The following RAB27B variants were observed in gnomAD, a reference collection of about 807,000 sequenced individuals.
RAB27B encodes the protein RAB27B, member RAS oncogene family, also known as ras-related protein Rab-27B.
Under a neutral mutation model 24.6 loss-of-function variants are expected in RAB27B, and 15 were observed. That is an observed-to-expected ratio of 0.61 (90% CI 0.41 to 0.94). RAB27B has a LOEUF of 0.94. Among genes scored for constraint, RAB27B ranks in the 40% least tolerant of loss-of-function variants. The probability of loss-of-function intolerance (pLI) is 0.00; values close to 1 mark genes in which losing one functional copy is unlikely to be tolerated. For missense variants in RAB27B, 261 were observed against 266.8 expected, an observed-to-expected ratio of 0.98 and a Z score of 0.15; for synonymous variants, 105 against 92.5, an observed-to-expected ratio of 1.14 and a Z score of -0.78.
intron 1 of RAB27B, among the ~76,000 whole-genome samples, chr18:54,848,759 T>C (rs1250884978): frequency 1.3e-5 from 2 of 152,144 alleles, no homozygotes; most frequent in African/African-American, 2.4e-5. Context: ...AAAGATTTCA[T>C]GGTATGGCGG....
intron 2 of RAB27B, among the ~76,000 whole-genome samples, chr18:54,785,205 G>A (rs1460473366): frequency 3.9e-5 from 6 of 152,012 alleles, no homozygotes; most frequent in Non-Finnish European, 7.4e-5. Flanking sequence ...AGGTTCAAGC[G>A]ATTCTCTTGT....
At chr18:54,868,139 G>A (rs1194206286) in intron 1 of RAB27B, among the ~76,000 whole-genome samples, 3 of 152,072 alleles carry the variant, frequency 2.0e-5, no homozygotes, top group Non-Finnish European at 4.4e-5. Flanking sequence ...AATAAAAGTG[G>A]GAGAGATGCT....
intron 4 of RAB27B, 22 bp from the exon 5 acceptor site, chr18:54,887,973 T>C: frequency 1.2e-6 from 2 of 1,605,496 alleles, no homozygotes; most frequent in Non-Finnish European, 1.7e-6. Flanking sequence ...AACTTGCTGG[T>C]TCCATCTGCT....
intron 2 of RAB27B, among the ~76,000 whole-genome samples, chr18:54,736,803 T>C (rs1193788576): frequency 6.6e-6 from 1 of 152,076 alleles, no homozygotes; most frequent in Admixed American, 6.6e-5. Context: ...ACAAAAGAGA[T>C]AGCATAAGCG....
chr18:54,737,926 T>C (rs529925878), intron 2 of RAB27B, among the ~76,000 whole-genome samples: 2 of 152,292 alleles, frequency 1.3e-5, no homozygotes, highest in Non-Finnish European at 2.9e-5. Context: ...GACATACTTC[T>C]TGCCTTCTAG....
intron 2 of RAB27B, among the ~76,000 whole-genome samples, chr18:54,780,503 C>T (rs531042886): frequency 1.2e-4 from 18 of 151,746 alleles, no homozygotes; most frequent in African/African-American, 3.9e-4. Flanking sequence ...TCGCCCTCAC[C>T]GTGTCTCCCC....
At chr18:54,792,879 G>A (rs749220975) in intron 2 of RAB27B, among the ~76,000 whole-genome samples, 1 of 152,164 alleles carries the variant, frequency 6.6e-6, no homozygotes. Context: ...AGTGTCAATA[G>A]CATAATACAG....
chr18:54,761,681 C>G (rs1908194169), intron 2 of RAB27B, among the ~76,000 whole-genome samples: 1 of 152,134 alleles, frequency 6.6e-6, no homozygotes. Context: ...AAGAAAAACT[C>G]AAGAGGCAAT....
rs150251013 is a variant in RAB27B at position 54,821,822 on chromosome 18, C to T, written c.-19-55745C>T. Among the ~76,000 whole-genome samples the T allele has an allele frequency of 8.2e-3, 1,242 of 152,320 alleles. 10 individuals are homozygous for T. Among genetic ancestry groups the T allele is most frequent in the Middle Eastern group, 0.014 (4 of 294 alleles). ...AGGCTGGAGTGCAATGACACGATCT[C>T]GGCTCACTGCAACCTCTGCCTCCGG... On this transcript the variant is annotated intron_variant, in intron 2 of 4. Transcript: ENST00000586570.
chr18:54,844,304 T>C (rs1911231658), intron 1 of RAB27B, among the ~76,000 whole-genome samples: 1 of 152,098 alleles, frequency 6.6e-6, no homozygotes, highest in African/African-American at 2.4e-5. Context: ...GCAATCCCAG[T>C]ACAGACAGAA....
chr18:54,827,710 C>T (rs868659337), upstream of RAB27B, among the ~76,000 whole-genome samples: 14 of 152,302 alleles, frequency 9.2e-5, no homozygotes, highest in Admixed American at 2.6e-4. Flanking sequence ...AAATTTTGTT[C>T]ACAGAGGAGT....
intron 1 of RAB27B, among the ~76,000 whole-genome samples, chr18:54,849,855 A>G (rs1226994190): frequency 6.6e-6 from 1 of 152,200 alleles, no homozygotes; most frequent in Admixed American, 6.5e-5. Flanking sequence ...TCTTGTCTCC[A>G]ATAAGCTGTG....
chr18:54,781,863 C>T (rs1908928113), intron 2 of RAB27B, among the ~76,000 whole-genome samples: 2 of 152,116 alleles, frequency 1.3e-5, no homozygotes, highest in South Asian at 4.1e-4. Context: ...ACATTTTTCT[C>T]AGGGAAATTT....
At chr18:54,793,999 A>G (rs540241673) in intron 2 of RAB27B, among the ~76,000 whole-genome samples, 6 of 152,366 alleles carry the variant, frequency 3.9e-5, no homozygotes, top group South Asian at 2.1e-4. Context: ...GATACTTATT[A>G]ACTTTAATTT....
chr18:54,795,745 G>C (rs909476548), intron 2 of RAB27B, among the ~76,000 whole-genome samples: 1 of 152,114 alleles, frequency 6.6e-6, no homozygotes, highest in Non-Finnish European at 1.5e-5. Flanking sequence ...CTAGAAACTT[G>C]TCTCTAAGAC....
At chr18:54,857,614 G>A (rs951282749) in intron 1 of RAB27B, among the ~76,000 whole-genome samples, 2 of 152,344 alleles carry the variant, frequency 1.3e-5, no homozygotes, top group Middle Eastern at 3.4e-3. Flanking sequence ...AATAGAAGAT[G>A]TGCATGCACG....
intron 1 of RAB27B, among the ~76,000 whole-genome samples, chr18:54,850,359 T>TATATATATATATACACAC (rs1491518141): frequency 2.4e-5 from 3 of 126,842 alleles, no homozygotes; most frequent in Admixed American, 8.0e-5. Flanking sequence ...TATATATATA[T>TATATATATATATACACAC]ACATACATAC....
intron 2 of RAB27B, among the ~76,000 whole-genome samples, chr18:54,755,264 C>G (rs1329682248): frequency 6.6e-6 from 1 of 152,094 alleles, no homozygotes; most frequent in Non-Finnish European, 1.5e-5. Flanking sequence ...GTGGTGCACA[C>G]CTGTAGTCTC....
intron 2 of RAB27B, among the ~76,000 whole-genome samples, chr18:54,772,176 A>G (rs1349828444): frequency 6.6e-6 from 1 of 152,134 alleles, no homozygotes; most frequent in African/African-American, 2.4e-5. Flanking sequence ...GAGGTCCTGG[A>G]TAGGGACTGC....
Sources: allele counts gnomAD v4.1 joint callset (sites outside exome capture counted in the v4.1 genomes callset), GRCh38; gene constraint gnomAD v4.1.1; transcripts MANE v1.5; gene names NCBI Gene and HGNC (gene_info 2026-07-23, HGNC 2026-07-21).